The following IGSF11 variants were observed in gnomAD, a reference collection of about 807,000 sequenced individuals.
The protein encoded by IGSF11 is immunoglobulin superfamily member 11, also known as CXADR like 1.
In IGSF11, 22 loss-of-function variants were observed where a neutral mutation model predicts 41.0. The observed-to-expected ratio is 0.54, with a 90% CI of 0.38 to 0.77. The LOEUF (loss-of-function observed/expected upper bound fraction) is 0.77, where lower values mean the gene tolerates loss of function less well. Ranked by LOEUF, IGSF11 falls within the 30% of genes least tolerant of loss-of-function variation. The pLI is 0.00. For synonymous variants in IGSF11, 219 were observed against 201.3 expected (o/e 1.09, Z -0.74); for missense variants, 444 against 530.8 (o/e 0.84, Z 1.61).
At position 119,128,339 on chromosome 3, in the gene IGSF11, G is replaced by C. The variant is rs183989803; in HGVS notation, c.-14+17474C>G. The stretch of plus-strand genomic sequence containing the variant: ...TGACACTGCACTCCAGCCTGGGTGA[G>C]AGTGAGAAAGAAAGAAAGAAAAGAA... On this transcript the variant is annotated intron_variant, in intron 1 of 7. Coordinates refer to the IGSF11 transcript ENST00000425327. Among the ~76,000 whole-genome samples, 835 of 149,818 alleles carry C rather than the reference G, an allele frequency of 5.6e-3. 5 individuals carry two copies. The highest frequency in any genetic ancestry group is 1.0e-2 in the East Asian group (51 of 5,102).
At chr3:118,926,003 G>T in intron 4 of IGSF11, 98 bp downstream of exon 4, 2 of 852,478 alleles carry the variant, frequency 2.3e-6, no homozygotes, top group East Asian at 2.9e-5. Flanking sequence ...AGCAGTTATA[G>T]GGTGTTATTT....
chr3:119,083,508 A>T (rs1001231276), intron 1 of IGSF11, among the ~76,000 whole-genome samples: 4 of 48,496 alleles, frequency 8.2e-5, no homozygotes, highest in Admixed American at 1.8e-4. Context: ...CAAAGATCAC[A>T]CACACACACA....
At chr3:119,109,676 G>A (rs1406078758), upstream of IGSF11, among the ~76,000 whole-genome samples, 1 of 152,056 alleles carries the variant, frequency 6.6e-6, no homozygotes, top group Non-Finnish European at 1.5e-5. Flanking sequence ...TTTTAATTGT[G>A]ATGTTAGGGT....
At chr3:119,097,957 ATTTTTT>A (rs377746200) in intron 1 of IGSF11, among the ~76,000 whole-genome samples, 5 of 58,360 alleles carry the variant, frequency 8.6e-5, no homozygotes, top group East Asian at 5.5e-4. Context: ...CATTCAGCTA[ATTTTTT>A]TTTTTTTTTT....
At chr3:119,140,160 G>T (rs556268205) in intron 1 of IGSF11, among the ~76,000 whole-genome samples, 1 of 151,664 alleles carries the variant, frequency 6.6e-6, no homozygotes, top group African/African-American at 2.4e-5. Context: ...AAATCAAAAG[G>T]CAGAGATAGT....
At chr3:118,927,591 A>T (rs1942442350) in intron 3 of IGSF11, among the ~76,000 whole-genome samples, 1 of 152,166 alleles carries the variant, frequency 6.6e-6, no homozygotes, top group Admixed American at 6.6e-5. Context: ...AATTCCCAAC[A>T]CCTGTATTCT....
At chr3:118,912,957 G>A (rs924430307) in intron 4 of IGSF11, among the ~76,000 whole-genome samples, 19 of 152,050 alleles carry the variant, frequency 1.2e-4, no homozygotes, top group African/African-American at 4.1e-4. Context: ...CAGTGATTGT[G>A]CCACTGCACT....
chr3:118,973,017 A>G (rs1933626001), intron 1 of IGSF11, among the ~76,000 whole-genome samples: 1 of 152,134 alleles, frequency 6.6e-6, no homozygotes, highest in East Asian at 1.9e-4. Context: ...CATGGATATC[A>G]ATTTCCTCTA....
chr3:118,914,119 C>G (rs558269145), intron 4 of IGSF11, among the ~76,000 whole-genome samples: 1 of 149,670 alleles, frequency 6.7e-6, no homozygotes, highest in African/African-American at 2.5e-5. Context: ...AGAATAAGCA[C>G]GAAGAGAAAT....
chr3:118,952,920 G>A, intron 1 of IGSF11, among the ~76,000 whole-genome samples: 1 of 151,882 alleles, frequency 6.6e-6, no homozygotes, highest in African/African-American at 2.4e-5. Context: ...TATTTCCATA[G>A]GTTTTTGGGG....
intron 3 of IGSF11, 55 bp downstream of exon 3, chr3:118,928,454 T>TGA: frequency 5.0e-6 from 7 of 1,392,768 alleles, no homozygotes; most frequent in Non-Finnish European, 7.1e-6. Flanking sequence ...CAAGTATGCT[T>TGA]GAGAGTAGCT....
upstream of IGSF11, among the ~76,000 whole-genome samples, chr3:119,037,636 C>T (rs1324588425): frequency 2.0e-5 from 3 of 152,136 alleles, no homozygotes; most frequent in Non-Finnish European, 1.5e-5. Flanking sequence ...ACATTGATGA[C>T]GTGAAAATAA....
chr3:119,095,395 A>T (rs2076833365), intron 1 of IGSF11, among the ~76,000 whole-genome samples: 1 of 152,194 alleles, frequency 6.6e-6, no homozygotes, highest in African/African-American at 2.4e-5. Context: ...GTTACTTGAC[A>T]TGGTACAGGT....
At chr3:118,959,851 T>A (rs1271253142) in intron 1 of IGSF11, among the ~76,000 whole-genome samples, 1 of 151,722 alleles carries the variant, frequency 6.6e-6, no homozygotes, top group Non-Finnish European at 1.5e-5. Flanking sequence ...ATCGAGACCA[T>A]CCTGGCTAAA....
At chr3:119,113,371 G>A (rs1378185393) in intron 1 of IGSF11, among the ~76,000 whole-genome samples, 3 of 152,320 alleles carry the variant, frequency 2.0e-5, no homozygotes, top group East Asian at 3.9e-4. Context: ...AAGATACAAT[G>A]AGGATATGGG....
intron 1 of IGSF11, among the ~76,000 whole-genome samples, chr3:118,935,373 T>TACACAC (rs1369215859): frequency 8.9e-6 from 1 of 112,948 alleles, no homozygotes; most frequent in African/African-American, 4.3e-5. Context: ...CCCTGAGATA[T>TACACAC]ATACACACAC....
chr3:119,057,973 C>T (rs915612487), intron 1 of IGSF11, among the ~76,000 whole-genome samples: 1 of 152,308 alleles, frequency 6.6e-6, no homozygotes, highest in South Asian at 2.1e-4. Context: ...AACATTAATT[C>T]AAGGTGGATT....
chr3:119,133,054 C>T (rs1009130586), intron 1 of IGSF11, among the ~76,000 whole-genome samples: 1 of 152,118 alleles, frequency 6.6e-6, no homozygotes, highest in African/African-American at 2.4e-5. Flanking sequence ...ATCTCTGGGA[C>T]ACATTTAAAG....
exon 1 of IGSF11, chr3:119,145,996 C>A: frequency 1.7e-6 from 1 of 584,322 alleles, no homozygotes; most frequent in South Asian, 2.1e-5. Context: ...CTGCGCTCGC[C>A]TGCACACTGC....
Sources: gnomAD v4.1 joint callset for allele counts (sites outside exome capture counted in the v4.1 genomes callset) on GRCh38, gnomAD v4.1.1 for gene constraint, MANE v1.5 for transcripts, NCBI Gene and HGNC (gene_info 2026-07-23, HGNC 2026-07-21) for gene names.